The following SPATA17 variants were observed in gnomAD, a reference collection of about 807,000 sequenced individuals.
SPATA17 encodes the protein spermatogenesis associated 17.
Under a neutral mutation model 62.2 loss-of-function variants are expected in SPATA17, and 53 were observed. That is an observed-to-expected ratio of 0.85 (90% CI 0.68 to 1.07). The LOEUF is 1.07. Among genes scored for constraint, SPATA17 ranks in the 50% least tolerant of loss-of-function variants. The probability of loss-of-function intolerance (pLI) is 0.00; values close to 1 mark genes in which losing one functional copy is unlikely to be tolerated. For missense variants in SPATA17, 466 were observed against 425.5 expected (o/e 1.10, Z -0.84); for synonymous variants, 146 against 146.8 (o/e 0.99, Z 0.04).
At chr1:217,818,197 T>C (rs1674770057) in intron 9 of SPATA17, among the ~76,000 whole-genome samples, 1 of 152,062 alleles carries the variant, frequency 6.6e-6, no homozygotes, top group Non-Finnish European at 1.5e-5. Context: ...CCCAGACACA[T>C]ACAGAAAGTA....
Position 217,870,574 on chromosome 1 carries a change from A to C in SPATA17, c.*3555A>C, listed in dbSNP as rs777866901. 1.1e-4 allele frequency: 17 copies of C among 152,224 alleles called. No homozygotes were observed. The highest frequency in any genetic ancestry group is 2.4e-4 in the Non-Finnish European group (16 of 68,030). 9.4% of individuals were successfully genotyped at this position (152,224 alleles called of 1,614,324 possible). On this transcript the variant is annotated 3_prime_UTR_variant, in exon 11 of 11. Transcript: ENST00000366933. ...ACTACTTCTTTTCTATATTCTCAAT[A>C]TGAGCCACTTAAGAAAATTAATGAG...
chr1:217,769,089 G>A (rs1255829516), intron 6 of SPATA17, among the ~76,000 whole-genome samples: 1 of 152,072 alleles, frequency 6.6e-6, no homozygotes, highest in African/African-American at 2.4e-5. Context: ...TCATTAGGAT[G>A]TTTAATGTAT....
At chr1:217,731,435 G>C (rs1672401068) in intron 5 of SPATA17, among the ~76,000 whole-genome samples, 1 of 152,076 alleles carries the variant, frequency 6.6e-6, no homozygotes, top group South Asian at 2.1e-4. Context: ...ATGGTAAATT[G>C]AACCATTCTT....
intron 3 of SPATA17, among the ~76,000 whole-genome samples, chr1:217,661,157 A>G (rs1396150272): frequency 6.6e-6 from 1 of 152,148 alleles, no homozygotes; most frequent in African/African-American, 2.4e-5. Context: ...CCTAATGAAA[A>G]AAGTATGTGA....
chr1:217,790,127 T>A (rs1230973724), intron 8 of SPATA17, among the ~76,000 whole-genome samples: 1 of 152,156 alleles, frequency 6.6e-6, no homozygotes, highest in Non-Finnish European at 1.5e-5. Flanking sequence ...CGAAGTAACT[T>A]ACAACAAAGG....
At chr1:217,745,728 T>C (rs555896830) in intron 6 of SPATA17, among the ~76,000 whole-genome samples, 1 of 152,226 alleles carries the variant, frequency 6.6e-6, no homozygotes, top group Admixed American at 6.5e-5. Flanking sequence ...ATATATACTA[T>C]GTAATCTTTA....
At chr1:217,723,693 T>C (rs1215187857) in intron 5 of SPATA17, among the ~76,000 whole-genome samples, 2 of 152,184 alleles carry the variant, frequency 1.3e-5, no homozygotes, top group African/African-American at 4.8e-5. Context: ...CATTCTTCCC[T>C]AACTGTGATC....
chr1:217,684,589 A>G (rs1671173121), intron 5 of SPATA17, among the ~76,000 whole-genome samples: 1 of 151,810 alleles, frequency 6.6e-6, no homozygotes, highest in Non-Finnish European at 1.5e-5. Flanking sequence ...TAATTTTTAT[A>G]TTTTTAATAG....
At chr1:217,723,617 C>A (rs1672192708) in intron 5 of SPATA17, among the ~76,000 whole-genome samples, 1 of 152,126 alleles carries the variant, frequency 6.6e-6, no homozygotes, top group Admixed American at 6.6e-5. Context: ...ATAGTGGGAA[C>A]TCAAGCAAAC....
intron 9 of SPATA17, among the ~76,000 whole-genome samples, chr1:217,860,911 C>T (rs1441267111): frequency 6.6e-6 from 1 of 152,032 alleles, no homozygotes; most frequent in African/African-American, 2.4e-5. Flanking sequence ...TTTTGTCTCC[C>T]ACTCCTAGTC....
intron 9 of SPATA17, among the ~76,000 whole-genome samples, chr1:217,835,120 G>A (rs1338863623): frequency 6.6e-6 from 1 of 152,126 alleles, no homozygotes; most frequent in Non-Finnish European, 1.5e-5. Context: ...CACATAATGA[G>A]TAAATTGCCT....
At chr1:217,749,985 C>CTCTCTCTCTATATATA in intron 6 of SPATA17, among the ~76,000 whole-genome samples, 38 of 12,308 alleles carry the variant, frequency 3.1e-3, no homozygotes, top group Non-Finnish European at 4.1e-3. Context: ...CTCTCTCTCT[C>CTCTCTCTCTATATATA]TATATATATA....
intron 5 of SPATA17, among the ~76,000 whole-genome samples, chr1:217,736,454 C>T (rs6704496): frequency 0.46 from 69,789 of 151,726 alleles, 17,534 homozygotes; most frequent in Non-Finnish European, 0.58. Context: ...TTAAGTTATA[C>T]GGAAGAAAAA....
intron 3 of SPATA17, among the ~76,000 whole-genome samples, chr1:217,655,476 G>A (rs1472146305): frequency 1.3e-5 from 2 of 151,982 alleles, no homozygotes; most frequent in Non-Finnish European, 2.9e-5. Flanking sequence ...CTCTCATGAG[G>A]GGATATTTAA....
intron 10 of SPATA17, among the ~76,000 whole-genome samples, chr1:217,863,410 G>A (rs1417599847): frequency 1.3e-5 from 2 of 152,044 alleles, no homozygotes; most frequent in Non-Finnish European, 1.5e-5. Flanking sequence ...GATTACAGGC[G>A]TGAGCCACCA....
chr1:217,644,335 A>G (rs1199945128), intron 1 of SPATA17, among the ~76,000 whole-genome samples: 3 of 152,224 alleles, frequency 2.0e-5, no homozygotes, highest in Non-Finnish European at 4.4e-5. Flanking sequence ...TAGATTAAGT[A>G]TACTATAGTT....
intron 9 of SPATA17, among the ~76,000 whole-genome samples, chr1:217,853,477 G>T (rs991562896): frequency 6.6e-6 from 1 of 151,838 alleles, no homozygotes; most frequent in Admixed American, 6.6e-5. Context: ...AATGTTACTC[G>T]TATCCCAGGA....
At chr1:217,642,153 A>G (rs1459157960) in intron 1 of SPATA17, among the ~76,000 whole-genome samples, 1 of 152,194 alleles carries the variant, frequency 6.6e-6, no homozygotes, top group African/African-American at 2.4e-5. Flanking sequence ...GACTTGTCCC[A>G]TGACTGACAA....
chr1:217,718,319 A>C (rs1672053425), intron 5 of SPATA17, among the ~76,000 whole-genome samples: 1 of 152,158 alleles, frequency 6.6e-6, no homozygotes, highest in South Asian at 2.1e-4. Flanking sequence ...GAAAAAAAAA[A>C]ATCCAAGTCA....
Sources: allele counts gnomAD v4.1 joint callset (sites outside exome capture counted in the v4.1 genomes callset), GRCh38; gene constraint gnomAD v4.1.1; transcripts MANE v1.5; gene names NCBI Gene and HGNC (gene_info 2026-07-23, HGNC 2026-07-21).